GULP1: variants seen among roughly 807,000 people sequenced by gnomAD.
The protein encoded by GULP1 is PTB domain-containing engulfment adapter protein 1.
A neutral mutation model predicts 40.9 loss-of-function variants in GULP1; 19 were observed. The ratio of observed to expected loss-of-function variants is 0.46; its 90% CI spans 0.32 to 0.68. GULP1 has a LOEUF of 0.68. Ranked by LOEUF, GULP1 falls within the 30% of genes least tolerant of loss-of-function variation. The pLI is 0.03. For synonymous variants in GULP1, 119 were observed against 117.6 expected, an observed-to-expected ratio of 1.01 and a Z score of -0.08; for missense variants, 312 against 362.2, an observed-to-expected ratio of 0.86 and a Z score of 1.12.
chr2:188,303,226 A>G (rs577843758), intron 1 of GULP1, among the ~76,000 whole-genome samples: 1 of 152,316 alleles, frequency 6.6e-6, no homozygotes, highest in African/African-American at 2.4e-5. Context: ...GTAGGGAGAT[A>G]TATATCTCTT....
intron 4 of GULP1, among the ~76,000 whole-genome samples, chr2:188,489,496 A>G (rs2062161545): frequency 6.6e-6 from 1 of 152,058 alleles, no homozygotes. Flanking sequence ...ACATTTTATT[A>G]GATTTTAGAA....
chr2:188,503,542 C>T (rs538140765), intron 4 of GULP1, among the ~76,000 whole-genome samples: 5 of 151,918 alleles, frequency 3.3e-5, no homozygotes, highest in East Asian at 2.0e-4. Flanking sequence ...ATCCCTCCCT[C>T]GACACATGAA....
At position 188,403,333 on chromosome 2, in the gene GULP1, T is replaced by C. The variant is rs979634266; in HGVS notation, c.-45+19444T>C. Among the ~76,000 whole-genome samples the C allele has an allele frequency of 3.9e-5, 6 of 152,140 alleles. 1 individual carries two copies. Among genetic ancestry groups the C allele is most frequent in the African/African-American group, 9.7e-5 (4 of 41,436 alleles). On this transcript the variant is annotated intron_variant, in intron 2 of 11. Coordinates refer to ENST00000409830, the MANE Select transcript of GULP1 (RefSeq NM_016315.4). ...TTTTTTTAATTAAAAAATGAAAATA[T>C]CATTTTGAGATAGTAACACATAAAT...
intron 1 of GULP1, among the ~76,000 whole-genome samples, chr2:188,310,048 G>A (rs894844722): frequency 1.3e-5 from 2 of 152,066 alleles, no homozygotes; most frequent in African/African-American, 2.4e-5. Context: ...TTACAATGAG[G>A]CAATTTCAAT....
chr2:188,501,057 A>G (rs1456754810), intron 4 of GULP1, among the ~76,000 whole-genome samples: 3 of 151,888 alleles, frequency 2.0e-5, no homozygotes, highest in Admixed American at 2.0e-4. Flanking sequence ...GTACTTACCT[A>G]TGTTGGTTAC....
chr2:188,340,822 G>A (rs927131905), intron 1 of GULP1, among the ~76,000 whole-genome samples: 1 of 152,134 alleles, frequency 6.6e-6, no homozygotes, highest in African/African-American at 2.4e-5. Context: ...AAGGGGAGTT[G>A]GAAAGGGGAG....
chr2:188,594,280 A>G lies in GULP1; in HGVS notation c.*269A>G, dbSNP rs1704133245. 4.2e-6 allele frequency: 1 copy of G among 240,610 alleles called. No individual in the cohort carries two copies. Among genetic ancestry groups the G allele is most frequent in the South Asian group, 1.6e-4 (1 of 6,410 alleles). 14.9% of individuals were successfully genotyped at this position (240,610 alleles called of 1,614,324 possible). ...TGTAATTGAAAGACATATTATACAAATACCTGCCTTGTGTCTGAGTTCTAT... is the reference window on the plus strand; with the variant it reads ...TGTAATTGAAAGACATATTATACAAGTACCTGCCTTGTGTCTGAGTTCTAT... On this transcript the variant is annotated 3_prime_UTR_variant, in exon 12 of 12. Coordinates refer to ENST00000409830, the MANE Select transcript of GULP1 (RefSeq NM_016315.4).
chr2:188,395,045 G>C (rs556724525), intron 2 of GULP1, among the ~76,000 whole-genome samples: 12 of 152,316 alleles, frequency 7.9e-5, no homozygotes, highest in Non-Finnish European at 1.6e-4. Context: ...TCCCTGGGTA[G>C]AAACTGGGTG....
At chr2:188,375,913 A>G (rs990663447) in intron 1 of GULP1, among the ~76,000 whole-genome samples, 1 of 152,140 alleles carries the variant, frequency 6.6e-6, no homozygotes, top group Non-Finnish European at 1.5e-5. Flanking sequence ...CAGGGCCACC[A>G]GCAGATACCA....
chr2:188,454,998 G>A (rs188462630), intron 2 of GULP1, among the ~76,000 whole-genome samples: 2 of 152,076 alleles, frequency 1.3e-5, no homozygotes, highest in Non-Finnish European at 2.9e-5. Context: ...CAGGTATGAG[G>A]GTATGCTCCT....
intron 2 of GULP1, among the ~76,000 whole-genome samples, chr2:188,444,917 G>A (rs2058252401): frequency 6.6e-6 from 1 of 152,252 alleles, no homozygotes; most frequent in Admixed American, 6.5e-5. Context: ...GTAATAAATA[G>A]TAGATTTTGA....
intron 1 of GULP1, among the ~76,000 whole-genome samples, chr2:188,339,407 A>G (rs2042683029): frequency 6.6e-6 from 1 of 152,214 alleles, no homozygotes; most frequent in Non-Finnish European, 1.5e-5. Flanking sequence ...CTTTGTCATT[A>G]GATGGGTTTT....
At chr2:188,356,641 A>G (rs886671561) in intron 1 of GULP1, among the ~76,000 whole-genome samples, 4 of 152,112 alleles carry the variant, frequency 2.6e-5, no homozygotes, top group African/African-American at 9.6e-5. Context: ...GAATGCAGTT[A>G]TTTTCAAAAT....
intron 1 of GULP1, among the ~76,000 whole-genome samples, chr2:188,356,677 G>GA (rs1198083667): frequency 6.6e-6 from 1 of 151,994 alleles, no homozygotes; most frequent in African/African-American, 2.4e-5. Flanking sequence ...CACAGAAATA[G>GA]AAAAAACAAT....
chr2:188,546,133 C>T lies in GULP1; in HGVS notation c.399+4815C>T, dbSNP rs369803407. On this transcript the variant is annotated intron_variant, in intron 7 of 11. Coordinates refer to ENST00000409830, the MANE Select transcript of GULP1 (RefSeq NM_016315.4). ...AAATAGACAAATACGCAATTATAGT[C>T]GAAATTTTACTGGCACTTTCCCTCA... Among the ~76,000 whole-genome samples the T allele has an allele frequency of 1.1e-4, 16 of 151,922 alleles. 1 individual carries two copies. The highest frequency in any genetic ancestry group is 1.0e-3 in the South Asian group (5 of 4,822).
chr2:188,434,327 C>CT (rs1232171344), intron 2 of GULP1, among the ~76,000 whole-genome samples: 17 of 146,908 alleles, frequency 1.2e-4, no homozygotes, highest in Admixed American at 2.0e-4. Context: ...GTTTCTTTTT[C>CT]TTTTTTTTTT....
In GULP1 at chr2:188,433,693, A is replaced by G. The variant is rs13414054; in HGVS notation, c.-44-43966A>G. 2.0e-3 allele frequency among the ~76,000 whole-genome samples: 311 copies of G among 152,192 alleles called. 1 individual carries two copies. Among genetic ancestry groups the G allele is most frequent in the African/African-American group, 7.1e-3 (294 of 41,554 alleles). On this transcript the variant is annotated intron_variant, in intron 2 of 11. Transcript: ENST00000409830. ...TCCTGAGTTTTCTCTGAGGCTGCCT[A>G]TGGGTGCCAATTAATGCTGATGAAA...
intron 2 of GULP1, among the ~76,000 whole-genome samples, chr2:188,438,823 C>A (rs993377425): frequency 1.3e-5 from 2 of 151,846 alleles, no homozygotes; most frequent in Non-Finnish European, 2.9e-5. Context: ...TTAGTTTACA[C>A]AATGCTTAAT....
chr2:188,422,809 T>TA, intron 2 of GULP1, among the ~76,000 whole-genome samples: 1 of 152,232 alleles, frequency 6.6e-6, no homozygotes, highest in African/African-American at 2.4e-5. Flanking sequence ...GTTATAGATA[T>TA]AATAAAACTC....
Sources: allele counts gnomAD v4.1 joint callset (sites outside exome capture counted in the v4.1 genomes callset), GRCh38; gene constraint gnomAD v4.1.1; transcripts MANE v1.5; gene names NCBI Gene and HGNC (gene_info 2026-07-23, HGNC 2026-07-21).